GBE1: variants seen among roughly 807,000 people sequenced by gnomAD.
GBE1 encodes 1,4-alpha-glucan-branching enzyme.
In GBE1, 70 loss-of-function variants were observed where a neutral mutation model predicts 88.8. The ratio of observed to expected loss-of-function variants is 0.79; its 90% CI spans 0.65 to 0.96. The LOEUF is 0.96. Among genes scored for constraint, GBE1 ranks in the 40% least tolerant of loss-of-function variants. GBE1 has a pLI of 0.00. For missense variants in GBE1, 872 were observed against 871.0 expected, an observed-to-expected ratio of 1.00 and a Z score of -0.01; for synonymous variants, 284 against 300.1, an observed-to-expected ratio of 0.95 and a Z score of 0.56.
chr3:81,660,625 T>C (rs1705012692), intron 3 of GBE1, among the ~76,000 whole-genome samples: 1 of 152,104 alleles, frequency 6.6e-6, no homozygotes, highest in South Asian at 2.1e-4. Context: ...TGAGAACATA[T>C]AATTTTCAAT....
Position 81,551,761 on chromosome 3 carries a change from G to A in GBE1, c.1619-14666C>T, listed in dbSNP as rs115341124. 5.9e-3 allele frequency among the ~76,000 whole-genome samples: 900 copies of A among 152,300 alleles called. 6 individuals are homozygous for A. Among genetic ancestry groups the A allele is most frequent in the African/African-American group, 0.017 (711 of 41,560 alleles). On this transcript the variant is annotated intron_variant, in intron 12 of 15. Transcript: ENST00000429644. ...ATCAGGACCTCCTGAGGCTGTGTCC[G>A]GGCACACATCTTCAACCTTGGCAAA...
chr3:81,499,285 C>T lies in GBE1; in HGVS notation c.1935-58G>A, dbSNP rs567671422. 133 of 1,008,266 alleles carry T rather than the reference C, an allele frequency of 1.3e-4. 1 individual carries two copies. The South Asian group carries it at 1.6e-3, about 12-fold the overall frequency. The allele number at this position is 1,008,266 out of a possible 1,614,324, so 62.5% of individuals were successfully genotyped here. On this transcript the variant is annotated intron_variant, in intron 14 of 15. Transcript: ENST00000429644. ...GAGTTGAATGAGACATTGTAAAATACGTGCTGAGAGAGCAATTTAGAAGTG... is the reference window on the plus strand; with the variant it reads ...GAGTTGAATGAGACATTGTAAAATATGTGCTGAGAGAGCAATTTAGAAGTG...
At chr3:81,740,023 A>C (rs907990736) in intron 1 of GBE1, among the ~76,000 whole-genome samples, 1 of 152,054 alleles carries the variant, frequency 6.6e-6, no homozygotes, top group Non-Finnish European at 1.5e-5. Context: ...CCAGGAGTTC[A>C]AGACCAGCCT....
At chr3:81,525,454 T>C (rs1465935781) in intron 14 of GBE1, among the ~76,000 whole-genome samples, 1 of 152,118 alleles carries the variant, frequency 6.6e-6, no homozygotes, top group Non-Finnish European at 1.5e-5. Flanking sequence ...TGAGGATTTT[T>C]GCATCAACGT....
intron 1 of GBE1, among the ~76,000 whole-genome samples, chr3:81,730,644 T>C (rs1706173820): frequency 6.6e-6 from 1 of 152,174 alleles, no homozygotes. Context: ...GGAGGACTGC[T>C]GAGAATCAGA....
intron 1 of GBE1, among the ~76,000 whole-genome samples, chr3:81,722,193 G>C (rs914502698): frequency 1.3e-5 from 2 of 152,048 alleles, no homozygotes; most frequent in Non-Finnish European, 2.9e-5. Flanking sequence ...CTGCCCATGC[G>C]TATCACAGAT....
intron 2 of GBE1, among the ~76,000 whole-genome samples, chr3:81,680,376 A>G (rs1485688102): frequency 6.6e-6 from 1 of 151,914 alleles, no homozygotes; most frequent in Admixed American, 6.6e-5. Context: ...GGGCACTGTA[A>G]TCCCAGCTAC....
At chr3:81,573,570 T>A (rs1036172679) in intron 12 of GBE1, among the ~76,000 whole-genome samples, 2 of 152,226 alleles carry the variant, frequency 1.3e-5, no homozygotes, top group African/African-American at 4.8e-5. Flanking sequence ...CTATTTTTCA[T>A]CTCTGAATAC....
chr3:81,499,033 GT>G, intron 15 of GBE1, 76 bp downstream of exon 15: 2 of 828,594 alleles, frequency 2.4e-6, no homozygotes, highest in Non-Finnish European at 1.9e-6. Context: ...TTGAAGAGTT[GT>G]TTATTTGAAC....
intron 13 of GBE1, among the ~76,000 whole-genome samples, chr3:81,536,434 C>T (rs191782336): frequency 7.7e-4 from 116 of 151,134 alleles, no homozygotes; most frequent in Non-Finnish European, 1.4e-3. Flanking sequence ...ATGAAAAATA[C>T]AAAACAGCAT....
chr3:81,745,147 C>A (rs1232914597), intron 1 of GBE1, among the ~76,000 whole-genome samples: 1 of 152,104 alleles, frequency 6.6e-6, no homozygotes, highest in Non-Finnish European at 1.5e-5. Flanking sequence ...TAGGAATAAA[C>A]TTCTTACAAA....
At chr3:81,512,743 T>G (rs962015558) in intron 14 of GBE1, among the ~76,000 whole-genome samples, 1 of 151,860 alleles carries the variant, frequency 6.6e-6, no homozygotes, top group African/African-American at 2.4e-5. Context: ...CAAAAAATGC[T>G]TGCCTAACCA....
At chr3:81,530,356 G>A (rs1030221630) in intron 14 of GBE1, among the ~76,000 whole-genome samples, 3 of 151,638 alleles carry the variant, frequency 2.0e-5, no homozygotes, top group East Asian at 3.9e-4. Flanking sequence ...GTTTGGTGAG[G>A]TCATGATTTC....
At chr3:81,520,510 G>A (rs76664488) in intron 14 of GBE1, among the ~76,000 whole-genome samples, 2,109 of 151,592 alleles carry the variant, frequency 0.014, 87 homozygotes, top group Admixed American at 0.068. Context: ...TGGGAACAGA[G>A]TATTCTTTCT....
chr3:81,554,061 C>T (rs1031626009), intron 12 of GBE1, among the ~76,000 whole-genome samples: 1 of 152,076 alleles, frequency 6.6e-6, no homozygotes, highest in African/African-American at 2.4e-5. Context: ...TTTCTTAATA[C>T]AAATTTTCAT....
At chr3:81,529,421 A>G (rs1422805578) in intron 14 of GBE1, among the ~76,000 whole-genome samples, 3 of 151,920 alleles carry the variant, frequency 2.0e-5, no homozygotes, top group Admixed American at 1.3e-4. Flanking sequence ...ACTTAAGGTT[A>G]TTTCTTATTG....
At chr3:81,633,175 A>G (rs1321050393) in intron 7 of GBE1, among the ~76,000 whole-genome samples, 1 of 152,212 alleles carries the variant, frequency 6.6e-6, no homozygotes, top group African/African-American at 2.4e-5. Flanking sequence ...TGTTTCAGAG[A>G]ACGAGGGTGG....
At chr3:81,663,985 G>A (rs146211760) in intron 3 of GBE1, among the ~76,000 whole-genome samples, 12 of 152,082 alleles carry the variant, frequency 7.9e-5, no homozygotes, top group African/African-American at 2.4e-4. Flanking sequence ...GCTTTTTCAT[G>A]AGAAATAATC....
At chr3:81,686,242 A>G (rs1705436637) in intron 2 of GBE1, among the ~76,000 whole-genome samples, 2 of 152,180 alleles carry the variant, frequency 1.3e-5, no homozygotes, top group Admixed American at 6.5e-5. Flanking sequence ...AAAGTAAGAG[A>G]GAAGGGAATT....
Sources: allele counts gnomAD v4.1 joint callset (sites outside exome capture counted in the v4.1 genomes callset), GRCh38; gene constraint gnomAD v4.1.1; transcripts MANE v1.5; gene names NCBI Gene and HGNC (gene_info 2026-07-23, HGNC 2026-07-21).